ARSK: variants seen among roughly 807,000 people sequenced by gnomAD.
ARSK encodes arylsulfatase family member K.
Under a neutral mutation model 53.2 loss-of-function variants are expected in ARSK, and 37 were observed. That is an observed-to-expected ratio of 0.70 (90% CI 0.54 to 0.92). The LOEUF (loss-of-function observed/expected upper bound fraction) is 0.92. Among genes scored for constraint, ARSK ranks in the 40% least tolerant of loss-of-function variants. The pLI, the probability that ARSK is intolerant of heterozygous loss-of-function variation, is 0.00. For synonymous variants in ARSK, 208 were observed against 223.2 expected (o/e 0.93, Z 0.61); for missense variants, 613 against 643.0 (o/e 0.95, Z 0.51).
intron 2 of ARSK, 55 bp from the exon 3 acceptor site, chr5:95,567,835 T>G (rs752517259): frequency 6.6e-7 from 1 of 1,520,848 alleles, no homozygotes; most frequent in Admixed American, 2.0e-5. Flanking sequence ...ATTGTCCTAA[T>G]AGTTAAATTG....
At chr5:95,598,521 A>G (rs974569833) in intron 6 of ARSK, among the ~76,000 whole-genome samples, 1 of 152,160 alleles carries the variant, frequency 6.6e-6, no homozygotes, top group African/African-American at 2.4e-5. Context: ...TGGAATCCCA[A>G]GTTCCCCTTA....
At chr5:95,570,384 G>A (rs1748805954) in intron 3 of ARSK, among the ~76,000 whole-genome samples, 1 of 152,138 alleles carries the variant, frequency 6.6e-6, no homozygotes, top group South Asian at 2.1e-4. Flanking sequence ...ACTCTTCCCT[G>A]CTAATATCAG....
intron 3 of ARSK, among the ~76,000 whole-genome samples, chr5:95,580,451 C>T (rs1749003066): frequency 6.6e-6 from 1 of 152,132 alleles, no homozygotes; most frequent in South Asian, 2.1e-4. Flanking sequence ...TAAGAAGGGG[C>T]TGGATACATT....
In ARSK at chr5:95,583,371, T is replaced by C. The variant is rs547982650; in HGVS notation, c.699+173T>C. Among the ~76,000 whole-genome samples the C allele has an allele frequency of 3.3e-5, 5 of 152,282 alleles. No individual in the cohort carries two copies. The East Asian group carries it at 9.6e-4, about 29-fold the overall frequency. On this transcript the variant is annotated intron_variant, in intron 4 of 7. Transcript: ENST00000380009. ...AAAGGGACAATTTTACAGAAATAAG[T>C]GTTAAAAGTCAGAAGCCTGCTTCTG...
intron 3 of ARSK, among the ~76,000 whole-genome samples, chr5:95,579,857 A>G (rs1460636667): frequency 6.6e-6 from 1 of 152,214 alleles, no homozygotes; most frequent in Non-Finnish European, 1.5e-5. Flanking sequence ...GGTATGCTCC[A>G]TATCTGAGCT....
Position 95,603,316 on chromosome 5 carries a change from T to G in ARSK, c.1401T>G (p.Leu467=). The change falls in exon 8 of 8, where the codon CTT becomes CTG. Residue 467 remains leucine (L), a synonymous_variant. Transcript: ENST00000380009. ...PEITYSLDQK[L]HSIINYPKVS... Reference sequence around the variant, plus strand: ...TTACTTATTCTTTGGATCAGAAGCTTCATTCCATTATAAACTACCCTAAAG... The same window carrying G: ...TTACTTATTCTTTGGATCAGAAGCTGCATTCCATTATAAACTACCCTAAAG... 1 of 1,609,494 alleles carries G rather than the reference T, an allele frequency of 6.2e-7. No individual in the cohort carries two copies. The highest frequency in any genetic ancestry group is 8.5e-7 in the Non-Finnish European group (1 of 1,177,966).
chr5:95,566,509 A>G (rs927522010), intron 2 of ARSK, among the ~76,000 whole-genome samples: 2 of 152,220 alleles, frequency 1.3e-5, no homozygotes, highest in African/African-American at 4.8e-5. Context: ...ACATTAGAGT[A>G]TACCATAAAG....
At chr5:95,570,357 C>G (rs1748805589) in intron 3 of ARSK, among the ~76,000 whole-genome samples, 1 of 152,144 alleles carries the variant, frequency 6.6e-6, no homozygotes, top group South Asian at 2.1e-4. Context: ...TTTCTCTGTG[C>G]AAAATCTTGT....
chr5:95,562,042 C>T (rs570088384), intron 1 of ARSK, among the ~76,000 whole-genome samples: 1 of 151,968 alleles, frequency 6.6e-6, no homozygotes, highest in African/African-American at 2.4e-5. Flanking sequence ...TGGTGAAACC[C>T]CATCTCTACT....
chr5:95,569,252 G>A (rs1299418066), intron 3 of ARSK, among the ~76,000 whole-genome samples: 1 of 152,044 alleles, frequency 6.6e-6, no homozygotes, highest in Non-Finnish European at 1.5e-5. Flanking sequence ...ATTTGTAATG[G>A]TTGTTGTGAT....
In ARSK at chr5:95,568,097, C is replaced by T. The variant is rs183801731; in HGVS notation, c.416+48C>T. ...CATCATGGACTGCCCTCTGCCATAG[C>T]GTGTACATGTACTCTTTTTGACTTT... On this transcript the variant is annotated intron_variant, in intron 3 of 7. Transcript: ENST00000380009. 107 of 1,554,260 alleles carry T rather than the reference C, an allele frequency of 6.9e-5. No homozygotes were observed. In the South Asian group the frequency reaches 8.6e-4, roughly 13 times the overall value.
intron 1 of ARSK, among the ~76,000 whole-genome samples, chr5:95,563,079 G>A (rs1358239944): frequency 2.0e-5 from 3 of 152,160 alleles, no homozygotes; most frequent in African/African-American, 7.2e-5. Context: ...ATTATCAGCA[G>A]TACTAGTAGT....
At chr5:95,585,162 A>C (rs1272779121) in intron 4 of ARSK, among the ~76,000 whole-genome samples, 2 of 152,214 alleles carry the variant, frequency 1.3e-5, no homozygotes, top group Non-Finnish European at 2.9e-5. Flanking sequence ...AATGGTCATA[A>C]TCAAAAAATA....
chr5:95,567,761 C>A, intron 2 of ARSK, 129 bp from the exon 3 acceptor site: 1 of 795,054 alleles, frequency 1.3e-6, no homozygotes, highest in Non-Finnish European at 1.9e-6. Context: ...GGTAAGGCAC[C>A]TAATCTGGGT....
chr5:95,571,439 C>T (rs150940001), intron 3 of ARSK, among the ~76,000 whole-genome samples: 5 of 152,298 alleles, frequency 3.3e-5, no homozygotes, highest in African/African-American at 9.6e-5. Flanking sequence ...GAAGTACCTA[C>T]AGTTTATTAT....
chr5:95,572,269 A>T (rs1225248284), intron 3 of ARSK, among the ~76,000 whole-genome samples: 1 of 152,180 alleles, frequency 6.6e-6, no homozygotes, highest in African/African-American at 2.4e-5. Flanking sequence ...TGATGATAAG[A>T]CCTTGAGCAA....
intron 3 of ARSK, among the ~76,000 whole-genome samples, chr5:95,574,401 A>T (rs1194433032): frequency 6.6e-6 from 1 of 152,118 alleles, no homozygotes; most frequent in Non-Finnish European, 1.5e-5. Context: ...CTCTATTTTT[A>T]GTATTTTGAG....
At chr5:95,566,916 T>C (rs1748734872) in intron 2 of ARSK, among the ~76,000 whole-genome samples, 1 of 152,214 alleles carries the variant, frequency 6.6e-6, no homozygotes, top group African/African-American at 2.4e-5. Flanking sequence ...AACTATATTA[T>C]TACCAGTGAT....
intron 2 of ARSK, 130 bp downstream of exon 2, chr5:95,566,257 TG>T (rs1748726165): frequency 1.7e-6 from 2 of 1,174,648 alleles, no homozygotes; most frequent in Non-Finnish European, 2.4e-6. Flanking sequence ...ATATAAAAGA[TG>T]TGCATTTTAA....
Sources: gnomAD v4.1 joint callset for allele counts (sites outside exome capture counted in the v4.1 genomes callset) on GRCh38, gnomAD v4.1.1 for gene constraint, MANE v1.5 for transcripts, NCBI Gene and HGNC (gene_info 2026-07-23, HGNC 2026-07-21) for gene names.